The following PRR30 variants were observed in gnomAD, a reference collection of about 807,000 sequenced individuals.
PRR30 encodes the protein proline-rich protein 30.
For synonymous variants in PRR30, 229 were observed against 222.7 expected (o/e 1.03, Z -0.25); for missense variants, 546 against 525.3 (o/e 1.04, Z -0.39).
Position 27,137,847 on chromosome 2 carries a change from G to T in PRR30, c.483C>A (p.Gly161=), listed in dbSNP as rs1354629727. The T allele has an allele frequency of 6.3e-6, 10 of 1,596,276 alleles. No individual in the cohort carries two copies. In the South Asian group the frequency reaches 1.1e-4, roughly 18 times the overall value. ...GGAGCCTATGAGAAGGTGGGCTGGG[G>T]CCTGGGGAAGTGAGTGTGGAGCTAT... ...ELHSSTLTSP[G]PSPPSHRLHS... The change falls in exon 3 of 3, where the codon GGC becomes GGA. Residue 161 remains glycine (G), a synonymous_variant. Coordinates refer to ENST00000335524, the MANE Select transcript of PRR30 (RefSeq NM_178553.4). The surrounding 1 kb of genome is among the most constrained non-coding windows in gnomAD (Gnocchi z 4.3).
At position 27,137,861 on chromosome 2, in the gene PRR30, G is replaced by C; in HGVS notation, c.469C>G (p.Leu157Val). 1 of 1,597,232 alleles carries C rather than the reference G, an allele frequency of 6.3e-7. No individual in the cohort carries two copies. The highest frequency in any genetic ancestry group is 8.5e-7 in the Non-Finnish European group (1 of 1,170,108). ...GGTGGGCTGGGGCCTGGGGAAGTGA[G>C]TGTGGAGCTATGCAGTTCCTCGGGG... is the stretch of plus-strand genomic sequence containing the variant. The part of the protein sequence containing the change: ...SHPEELHSST[L>V]TSPGPSPPSH... Residue 157 changes from leucine to valine, a missense_variant, in exon 3 of 3, where the codon CTC (leucine) becomes GTC (valine). Coordinates refer to ENST00000335524, the MANE Select transcript of PRR30 (RefSeq NM_178553.4). This position sits in a 1 kb window ranked among gnomAD's most constrained non-coding sequence, Gnocchi z 4.3.
In PRR30 at chr2:27,136,948, C is replaced by T. The variant is rs1369919858; in HGVS notation, c.*143G>A. 2.5e-5 allele frequency: 30 copies of T among 1,213,068 alleles called. No homozygotes were observed. The highest frequency in any genetic ancestry group is 2.9e-4 in the Middle Eastern group (1 of 3,490). 75.1% of individuals were successfully genotyped at this position (1,213,068 alleles called of 1,614,324 possible). A position where few individuals can be genotyped will look rare whatever the true frequency, so the allele number is the denominator to read the frequency against. ...GAGACAGCAGACTCCACAAGGGGCTCCCAGGGTTCAGAGCAGGAGAACACA... is the reference window on the plus strand; with the variant it reads ...GAGACAGCAGACTCCACAAGGGGCTTCCAGGGTTCAGAGCAGGAGAACACA... On this transcript the variant is annotated 3_prime_UTR_variant, in exon 3 of 3. Coordinates refer to ENST00000335524, the MANE Select transcript of PRR30 (RefSeq NM_178553.4).
chr2:27,137,441 C>T lies in PRR30; in HGVS notation c.889G>A (p.Gly297Ser), dbSNP rs749600179. Residue 297 changes from glycine to serine, a missense_variant, in exon 3 of 3, where the codon GGC (glycine) becomes AGC (serine). Transcript: ENST00000335524. The surrounding 1 kb of genome is among the most constrained non-coding windows in gnomAD (Gnocchi z 4.3). ...CCCTGAGGCAGGCGGAGGCCGAAGC[C>T]GATGCCTATCCGGAGTGGCCCAGAT... ...QESGPLRIGI[G>S]FGLRLPQGQA... 5.6e-6 allele frequency: 9 copies of T among 1,612,758 alleles called. No homozygotes were observed. The East Asian group carries it at 1.3e-4, about 24-fold the overall frequency.
rs1672546290 is a variant in PRR30, at chr2:27,137,966, G to T, written c.364C>A (p.Pro122Thr). 4 of 1,610,894 alleles carry T rather than the reference G, an allele frequency of 2.5e-6. No homozygotes were observed. Among genetic ancestry groups the T allele is most frequent in the Non-Finnish European group, 3.4e-6 (4 of 1,178,746 alleles). ...GGAGAAAAGGAAGGGGTCAGAGGGG[G>T]AGAGGGGTACAGCCAGTGGTTGGAG... Reference protein sequence around the residue: ...SPSNHWLYPSPPLTPSFSPSQ... With the variant: ...SPSNHWLYPSTPLTPSFSPSQ... Residue 122 changes from proline to threonine, a missense_variant, in exon 3 of 3, where the codon CCC becomes ACC. By Grantham distance (38) the Pro-to-Thr change is conservative (BLOSUM62 -1). Transcript: ENST00000335524. This position sits in a 1 kb window ranked among gnomAD's most constrained non-coding sequence, Gnocchi z 4.3.
Position 27,138,052 on chromosome 2 carries a change from C to T in PRR30, c.278G>A (p.Ser93Asn). The T allele has an allele frequency of 6.2e-7, 1 of 1,613,678 alleles. No individual in the cohort carries two copies. Among genetic ancestry groups the T allele is most frequent in the Non-Finnish European group, 8.5e-7 (1 of 1,179,920 alleles). Residue 93 changes from serine (S) to asparagine (N), a missense_variant, in exon 3 of 3, where the codon AGT becomes AAT. Transcript: ENST00000335524. Reference protein sequence around the residue: ...APHPYSPSLPSSPTFFHQNYL... With the variant: ...APHPYSPSLPNSPTFFHQNYL... ...GTTCTGGTGAAAGAAAGTAGGGGAA[C>T]TTGGGAGAGAGGGAGAATAGGGATG...
Position 27,137,286 on chromosome 2 carries a change from G to T in PRR30, c.1044C>A (p.Asp348Glu). Reference sequence around the variant, plus strand: ...TCTGGGAGGGTGTGCCTGGGACTGGGTCGGCCCGGGCCTGAGCTGCTGGAG... The same window carrying T: ...TCTGGGAGGGTGTGCCTGGGACTGGTTCGGCCCGGGCCTGAGCTGCTGGAG... ...SQPPAAQARA[D>E]PVPGTPSQTR... The change falls in exon 3 of 3, where the codon GAC (aspartate) becomes GAA (glutamate). Residue 348 changes from aspartate (D) to glutamate (E), a missense_variant. Transcript: ENST00000335524. This position sits in a 1 kb window ranked among gnomAD's most constrained non-coding sequence, Gnocchi z 4.3. 1.2e-6 allele frequency: 2 copies of T among 1,614,222 alleles called. No individual in the cohort carries two copies. The highest frequency in any genetic ancestry group is 1.7e-6 in the Non-Finnish European group (2 of 1,180,044).
At position 27,137,876 on chromosome 2, in the gene PRR30, G is replaced by A; in HGVS notation, c.454C>T (p.Leu152=). 1 of 1,598,440 alleles carries A rather than the reference G, an allele frequency of 6.3e-7. No individual in the cohort carries two copies. Among genetic ancestry groups the A allele is most frequent in the Non-Finnish European group, 8.5e-7 (1 of 1,171,210 alleles). The change falls in exon 3 of 3, where the codon CTG becomes TTG. Residue 152 remains leucine (L), a synonymous_variant. Transcript: ENST00000335524. The surrounding 1 kb of genome is among the most constrained non-coding windows in gnomAD (Gnocchi z 4.3). ...PCQSPSHPEE[L]HSSTLTSPGP... ...GGGGAAGTGAGTGTGGAGCTATGCA[G>A]TTCCTCGGGGTGGGAAGGGGACTGG...
Position 27,138,609 on chromosome 2 carries a change from A to T in PRR30, c.-280T>A, listed in dbSNP as rs1176554368. 2.3e-6 allele frequency: 1 copy of T among 433,284 alleles called. No individual in the cohort carries two copies. The highest frequency in any genetic ancestry group is 4.1e-6 in the Non-Finnish European group (1 of 244,562). The allele number at this position is 433,284 out of a possible 1,614,324, so 26.8% of individuals were successfully genotyped here. A position where few individuals can be genotyped will look rare whatever the true frequency, so the allele number is the denominator to read the frequency against. On this transcript the variant is annotated 5_prime_UTR_variant, in exon 3 of 3. Transcript: ENST00000335524. ...AACCATTGATGAGGGATGTGTGGGG[A>T]TGGAGAATCACAGCTGCATCTTGGG...
chr2:27,137,263 T>C lies in PRR30; in HGVS notation c.1067A>G (p.Gln356Arg). 2 of 1,614,186 alleles carry C rather than the reference T, an allele frequency of 1.2e-6. No homozygotes were observed. Among genetic ancestry groups the C allele is most frequent in the Non-Finnish European group, 1.7e-6 (2 of 1,180,024 alleles). The change falls in exon 3 of 3, where the codon CAG becomes CGG. Residue 356 changes from glutamine (Q) to arginine (R), a missense_variant. Coordinates refer to ENST00000335524, the MANE Select transcript of PRR30 (RefSeq NM_178553.4). This position sits in a 1 kb window ranked among gnomAD's most constrained non-coding sequence, Gnocchi z 4.3. ...GCCTGCAGACCTGAAGCTCCTGGTC[T>C]GGGAGGGTGTGCCTGGGACTGGGTC... Reference protein sequence around the residue: ...RADPVPGTPSQTRSFRSAGLQ... With the variant: ...RADPVPGTPSRTRSFRSAGLQ...
In PRR30 at chr2:27,137,644, C is replaced by T. The variant is rs754447723; in HGVS notation, c.686G>A (p.Arg229Gln). The change falls in exon 3 of 3, where the codon CGG (arginine) becomes CAG (glutamine). Residue 229 changes from arginine (R) to glutamine (Q), a missense_variant. Physicochemically the swap from Arg to Gln is conservative, Grantham distance 43. Transcript: ENST00000335524. The surrounding 1 kb of genome is among the most constrained non-coding windows in gnomAD (Gnocchi z 4.3). ...LGHRRIAHDL[R>Q]LLLLQHLWLG... The stretch of plus-strand genomic sequence containing the variant: ...CCACAGGTGCTGCAAAAGCAGTAGC[C>T]GCAGGTCGTGTGCGATGCGGCGGTG... 1.1e-5 allele frequency: 17 copies of T among 1,612,822 alleles called. No homozygotes were observed. In the East Asian group the frequency reaches 1.8e-4, roughly 17 times the overall value.
Position 27,138,446 on chromosome 2 carries a change from G to A in PRR30, c.-117C>T, listed in dbSNP as rs920288583. 38 of 1,461,600 alleles carry A rather than the reference G, an allele frequency of 2.6e-5. No individual in the cohort carries two copies. The highest frequency in any genetic ancestry group is 3.2e-5 in the Non-Finnish European group (35 of 1,106,992). 90.5% of individuals were successfully genotyped at this position (1,461,600 alleles called of 1,614,324 possible). ...GAGAAATCAAGGCCACCTTCTGTGC[G>A]CAGAGCGTGGCTCCAGCCTGGTGTG... On this transcript the variant is annotated 5_prime_UTR_variant, in exon 3 of 3. Transcript: ENST00000335524.
rs758052004 is a variant in PRR30 at position 27,137,621 on chromosome 2, A to T, written c.709T>A (p.Trp237Arg). 1 of 1,611,838 alleles carries T rather than the reference A, an allele frequency of 6.2e-7. No individual in the cohort carries two copies. Among genetic ancestry groups the T allele is most frequent in the South Asian group, 1.1e-5 (1 of 90,998 alleles). ...DLRLLLLQHL[W>R]LGRTGQAPVV... ...GGGGCCTGGCCGGTTCTGCCTAGCC[A>T]CAGGTGCTGCAAAAGCAGTAGCCGC... The change falls in exon 3 of 3, where the codon TGG becomes AGG. Residue 237 changes from tryptophan to arginine, a missense_variant. Coordinates refer to ENST00000335524, the MANE Select transcript of PRR30 (RefSeq NM_178553.4). This position sits in a 1 kb window ranked among gnomAD's most constrained non-coding sequence, Gnocchi z 4.3.
Position 27,138,222 on chromosome 2 carries a change from C to G in PRR30, c.108G>C (p.Gln36His), listed in dbSNP as rs1371541238. ...QLVDSSPHNLQPLSPHQGLPP... is the reference protein window; with the variant it reads ...QLVDSSPHNLHPLSPHQGLPP... ...GGAGGCCCTGATGGGGAGAGAGAGG[C>G]TGTAGGTTGTGAGGAGAGGAGTCCA... Residue 36 changes from glutamine (Q) to histidine (H), a missense_variant, in exon 3 of 3, where the codon CAG becomes CAC. Physicochemically the swap from Gln to His is conservative, Grantham distance 24 (BLOSUM62 0). Transcript: ENST00000335524. 6.2e-7 allele frequency: 1 copy of G among 1,613,924 alleles called. No homozygotes were observed. Among genetic ancestry groups the G allele is most frequent in the Admixed American group, 1.7e-5 (1 of 59,990 alleles).
In PRR30 at chr2:27,138,115, T is replaced by A; in HGVS notation, c.215A>T (p.Gln72Leu). The A allele has an allele frequency of 1.2e-6, 2 of 1,613,516 alleles. No individual in the cohort carries two copies. The highest frequency in any genetic ancestry group is 1.7e-6 in the Non-Finnish European group (2 of 1,179,884). Reference sequence around the variant, plus strand: ...AGAATTTGAGTCACAAGAGCCGAATTGGAAGCCAGGAGAGGGGGATGCTGG... The same window carrying A: ...AGAATTTGAGTCACAAGAGCCGAATAGGAAGCCAGGAGAGGGGGATGCTGG... ...PPPASPSPGFQFGSCDSNSDF... is the reference protein window; with the variant it reads ...PPPASPSPGFLFGSCDSNSDF... The change falls in exon 3 of 3, where the codon CAA (glutamine) becomes CTA (leucine). Residue 72 changes from glutamine (Q) to leucine (L), a missense_variant. By Grantham distance (113) the Gln-to-Leu change is moderately radical. Transcript: ENST00000335524.
In PRR30 at chr2:27,137,836, G is replaced by C. The variant is rs1166304485; in HGVS notation, c.494C>G (p.Pro165Arg). Reference sequence around the variant, plus strand: ...CCTGTTAGAGTGGAGCCTATGAGAAGGTGGGCTGGGGCCTGGGGAAGTGAG... The same window carrying C: ...CCTGTTAGAGTGGAGCCTATGAGAACGTGGGCTGGGGCCTGGGGAAGTGAG... ...STLTSPGPSP[P>R]SHRLHSNRQT... Residue 165 changes from proline (P) to arginine (R), a missense_variant, in exon 3 of 3, where the codon CCT (proline) becomes CGT (arginine). Transcript: ENST00000335524. The surrounding 1 kb of genome is among the most constrained non-coding windows in gnomAD (Gnocchi z 4.3). The C allele has an allele frequency of 6.3e-7, 1 of 1,597,294 alleles. No individual in the cohort carries two copies. The highest frequency in any genetic ancestry group is 1.7e-5 in the Admixed American group (1 of 58,848).
chr2:27,139,313 C>T lies in PRR30; in HGVS notation c.-429G>A, dbSNP rs1022689339. The T allele has an allele frequency of 2.0e-5, 3 of 152,360 alleles. No individual in the cohort carries two copies. The highest frequency in any genetic ancestry group is 7.2e-5 in the African/African-American group (3 of 41,436). 9.4% of individuals were successfully genotyped at this position (152,360 alleles called of 1,614,324 possible). On this transcript the variant is annotated 5_prime_UTR_variant, in exon 1 of 3. Coordinates refer to ENST00000335524, the MANE Select transcript of PRR30 (RefSeq NM_178553.4). Reference sequence around the variant, plus strand: ...CCCAGACAGAGATACCTTATTATACCCAGCAGCAGAAGGAATGGGGCCAGC... The same window carrying T: ...CCCAGACAGAGATACCTTATTATACTCAGCAGCAGAAGGAATGGGGCCAGC...
Position 27,137,034 on chromosome 2 carries a change from TGGTTGGGAG to T in PRR30, c.*48_*56del. ...CGGGGACTCCCCGAGATCTGGGGCC[TGGTTGGGAG>T]GGTTGGGTTTGGAGGGGGTGTTCCA... On this transcript the variant is annotated 3_prime_UTR_variant, in exon 3 of 3. Transcript: ENST00000335524. The surrounding 1 kb of genome is among the most constrained non-coding windows in gnomAD (Gnocchi z 4.3). The T allele has an allele frequency of 6.4e-7, 1 of 1,569,716 alleles. No individual in the cohort carries two copies.
chr2:27,137,991 G>A lies in PRR30; in HGVS notation c.339C>T (p.Pro113=), dbSNP rs1672546840. The part of the protein sequence containing the change: ...LSLPRPRASS[P]SNHWLYPSPP... ...GAGAGGGGTACAGCCAGTGGTTGGAGGGAGAGGATGCACGTGGACGGGGGA... is the reference window on the plus strand; with the variant it reads ...GAGAGGGGTACAGCCAGTGGTTGGAAGGAGAGGATGCACGTGGACGGGGGA... Residue 113 remains proline (P), a synonymous_variant, in exon 3 of 3, where the codon CCC becomes CCT. Transcript: ENST00000335524. The surrounding 1 kb of genome is among the most constrained non-coding windows in gnomAD (Gnocchi z 4.3). 5 of 1,612,398 alleles carry A rather than the reference G, an allele frequency of 3.1e-6. No homozygotes were observed. The highest frequency in any genetic ancestry group is 4.2e-6 in the Non-Finnish European group (5 of 1,179,446).
Position 27,138,412 on chromosome 2 carries a change from G to T in PRR30, c.-83C>A, listed in dbSNP as rs1354273493. ...GTCAGGACCAGTATCTCTGAGGTCA[G>T]CTGTGCCTGAGAAATCAAGGCCACC... On this transcript the variant is annotated 5_prime_UTR_variant, in exon 3 of 3. The change creates a new upstream start codon in the 5' untranslated region. Coordinates refer to ENST00000335524, the MANE Select transcript of PRR30 (RefSeq NM_178553.4). The T allele has an allele frequency of 6.7e-7, 1 of 1,503,694 alleles. No individual in the cohort carries two copies. Among genetic ancestry groups the T allele is most frequent in the Non-Finnish European group, 8.9e-7 (1 of 1,129,146 alleles). 93.1% of individuals were successfully genotyped at this position (1,503,694 alleles called of 1,614,324 possible).
Sources: allele counts gnomAD v4.1 joint callset, GRCh38; gene constraint gnomAD v4.1.1; non-coding constraint Gnocchi (gnomAD v3.1); transcripts MANE v1.5; gene names NCBI Gene and HGNC (gene_info 2026-07-23, HGNC 2026-07-21).